RBFOX1: variants seen among roughly 807,000 people sequenced by gnomAD.
The protein encoded by RBFOX1 is RNA binding fox-1 homolog 1.
Under a neutral mutation model 57.7 loss-of-function variants are expected in RBFOX1, and 8 were observed. The observed-to-expected ratio is 0.14, with a 90% CI of 0.08 to 0.25. The LOEUF (loss-of-function observed/expected upper bound fraction) is 0.25. Among genes scored for constraint, RBFOX1 ranks in the 10% least tolerant of loss-of-function variants. The pLI is 1.00. For synonymous variants in RBFOX1, 326 were observed against 222.4 expected, an observed-to-expected ratio of 1.47 and a Z score of -4.15; for missense variants, 611 against 548.5, an observed-to-expected ratio of 1.11 and a Z score of -1.14.
chr16:6,570,809 T>A (rs1363824594), intron 2 of RBFOX1, among the ~76,000 whole-genome samples: 1 of 152,170 alleles, frequency 6.6e-6, no homozygotes, highest in East Asian at 1.9e-4. Flanking sequence ...ATTATAACTA[T>A]TTTACTTTTA....
At chr16:6,575,672 A>G (rs965573264) in intron 2 of RBFOX1, among the ~76,000 whole-genome samples, 5 of 152,100 alleles carry the variant, frequency 3.3e-5, no homozygotes, top group Admixed American at 3.3e-4. Flanking sequence ...AGACTGATCA[A>G]TGTGGTGAAA....
intron 3 of RBFOX1, among the ~76,000 whole-genome samples, chr16:5,712,168 C>A (rs2051513364): frequency 6.6e-6 from 1 of 152,136 alleles, no homozygotes; most frequent in Non-Finnish European, 1.5e-5. Flanking sequence ...GCGAAAACTG[C>A]CCCCATGATC....
chr16:6,751,167 A>C (rs566300755), intron 3 of RBFOX1, among the ~76,000 whole-genome samples: 2 of 152,136 alleles, frequency 1.3e-5, no homozygotes, highest in East Asian at 1.9e-4. Context: ...TTTACATTTT[A>C]TTCGAAATAC....
At chr16:7,383,224 T>C (rs2097812343) in intron 4 of RBFOX1, among the ~76,000 whole-genome samples, 1 of 151,240 alleles carries the variant, frequency 6.6e-6, no homozygotes, top group Non-Finnish European at 1.5e-5. Context: ...AAACATCTCA[T>C]GTATCCCATA....
At chr16:7,707,708 G>T (rs376982046) in intron 14 of RBFOX1, among the ~76,000 whole-genome samples, 1 of 152,102 alleles carries the variant, frequency 6.6e-6, no homozygotes, top group African/African-American at 2.4e-5. Flanking sequence ...AGCTAATGCC[G>T]AAAACTTATG....
rs1257586567 is a variant in RBFOX1 at position 7,571,996 on chromosome 16, A to G, written c.271-7781A>G. 5.7e-4 allele frequency among the ~76,000 whole-genome samples: 87 copies of G among 152,280 alleles called. 2 individuals are homozygous for G. The highest frequency in any genetic ancestry group is 4.4e-5 in the Non-Finnish European group (3 of 68,026). ...CTAAAAATTAGCTGGGCTTGGTGGCACATGCCTGTAGTCCCAGCTACTGGG... is the reference window on the plus strand; with the variant it reads ...CTAAAAATTAGCTGGGCTTGGTGGCGCATGCCTGTAGTCCCAGCTACTGGG... On this transcript the variant is annotated intron_variant, in intron 5 of 15. Coordinates refer to ENST00000550418, the MANE Select transcript of RBFOX1 (RefSeq NM_018723.4).
chr16:5,340,516 G>C (rs993023414), intron 1 of RBFOX1, among the ~76,000 whole-genome samples: 5 of 152,194 alleles, frequency 3.3e-5, no homozygotes, highest in African/African-American at 1.2e-4. Flanking sequence ...TCCTGAAGTA[G>C]GAGGAGAGAA....
chr16:6,997,541 G>T (rs113523743), intron 3 of RBFOX1, among the ~76,000 whole-genome samples: 1 of 152,118 alleles, frequency 6.6e-6, no homozygotes, highest in Non-Finnish European at 1.5e-5. Flanking sequence ...ATTTCCCACA[G>T]AGTTTAATGT....
At chr16:5,588,300 A>G (rs899877840) in intron 2 of RBFOX1, among the ~76,000 whole-genome samples, 4 of 152,198 alleles carry the variant, frequency 2.6e-5, no homozygotes, top group African/African-American at 9.6e-5. Flanking sequence ...ACCTGTGAAC[A>G]TACTAAAACC....
intron 2 of RBFOX1, among the ~76,000 whole-genome samples, chr16:6,513,774 A>T (rs1361040733): frequency 6.6e-6 from 1 of 152,084 alleles, no homozygotes; most frequent in Non-Finnish European, 1.5e-5. Context: ...AAGTCTGGAA[A>T]CCATGACATC....
At chr16:7,400,671 C>T (rs1055581164) in intron 4 of RBFOX1, among the ~76,000 whole-genome samples, 12 of 152,274 alleles carry the variant, frequency 7.9e-5, no homozygotes, top group Admixed American at 5.2e-4. Context: ...GGAGGTTTTC[C>T]ACTTGGATGA....
chr16:7,366,962 G>A (rs1403530000), intron 4 of RBFOX1, among the ~76,000 whole-genome samples: 2 of 152,060 alleles, frequency 1.3e-5, no homozygotes, highest in East Asian at 1.9e-4. Flanking sequence ...TGAAATGATC[G>A]ATTGTACTTT....
intron 1 of RBFOX1, among the ~76,000 whole-genome samples, chr16:6,052,762 A>T (rs540726272): frequency 6.6e-5 from 10 of 150,930 alleles, no homozygotes; most frequent in East Asian, 1.9e-4. Context: ...CCAGCCTGGG[A>T]GACAGAGCGA....
chr16:6,632,157 C>G (rs1467413059), intron 2 of RBFOX1, among the ~76,000 whole-genome samples: 1 of 152,090 alleles, frequency 6.6e-6, no homozygotes, highest in Non-Finnish European at 1.5e-5. Context: ...CTCTGTGATC[C>G]TTCACTTCCT....
intron 3 of RBFOX1, among the ~76,000 whole-genome samples, chr16:5,654,124 G>A (rs935236456): frequency 6.6e-6 from 1 of 152,186 alleles, no homozygotes; most frequent in Non-Finnish European, 1.5e-5. Flanking sequence ...ACTAGCTCGA[G>A]CATGCACCTG....
intron 1 of RBFOX1, among the ~76,000 whole-genome samples, chr16:6,078,676 C>CG (rs2095949591): frequency 6.6e-6 from 1 of 151,872 alleles, no homozygotes; most frequent in Non-Finnish European, 1.5e-5. Context: ...CAAGGCAGGG[C>CG]ATCGTGCTTG....
chr16:6,193,485 A>G (rs894706768), intron 1 of RBFOX1, among the ~76,000 whole-genome samples: 6 of 144,466 alleles, frequency 4.2e-5, no homozygotes, highest in South Asian at 2.2e-4. Context: ...TTGGATAGAC[A>G]TTATCATTTA....
At chr16:5,596,472 A>G (rs989480385) in intron 2 of RBFOX1, among the ~76,000 whole-genome samples, 9 of 152,160 alleles carry the variant, frequency 5.9e-5, no homozygotes, top group Non-Finnish European at 1.2e-4. Flanking sequence ...TTACTGAGAA[A>G]GACAGATTGA....
intron 10 of RBFOX1, among the ~76,000 whole-genome samples, chr16:7,609,381 C>T (rs572722968): frequency 2.0e-5 from 3 of 152,220 alleles, no homozygotes; most frequent in South Asian, 4.2e-4. Flanking sequence ...CTTGTGCTTT[C>T]GTAGCCACAG....
Sources: allele counts gnomAD v4.1 joint callset (sites outside exome capture counted in the v4.1 genomes callset), GRCh38; gene constraint gnomAD v4.1.1; transcripts MANE v1.5; gene names NCBI Gene and HGNC (gene_info 2026-07-23, HGNC 2026-07-21).